Variants in ZNF609 observed in about 807,000 individuals in gnomAD.
The protein encoded by ZNF609 is zinc finger protein 609.
In ZNF609, 11 loss-of-function variants were observed where a neutral mutation model predicts 109.5. The observed-to-expected ratio is 0.10, with a 90% CI of 0.06 to 0.17. ZNF609 has a LOEUF of 0.17. Ranked by LOEUF, ZNF609 falls within the 10% of genes least tolerant of loss-of-function variation. ZNF609 has a pLI of 1.00. For missense variants in ZNF609, 1,559 were observed against 1,772.4 expected (o/e 0.88, Z 2.16); for synonymous variants, 646 against 662.0 (o/e 0.98, Z 0.37).
chr15:64,621,172 T>G (rs1895870028), intron 2 of ZNF609, among the ~76,000 whole-genome samples: 1 of 152,210 alleles, frequency 6.6e-6, no homozygotes, highest in African/African-American at 2.4e-5. Context: ...GTCTGCTGAT[T>G]AGTATCATAC....
intron 3 of ZNF609, among the ~76,000 whole-genome samples, chr15:64,647,963 A>G (rs1040374907): frequency 6.6e-6 from 1 of 152,170 alleles, no homozygotes; most frequent in African/African-American, 2.4e-5. Context: ...TGCCACCAGT[A>G]TGTAGCTTTA....
At chr15:64,462,773 C>T (rs1259880162) in intron 1 of ZNF609, among the ~76,000 whole-genome samples, 2 of 152,092 alleles carry the variant, frequency 1.3e-5, no homozygotes, top group East Asian at 3.8e-4. Context: ...ACATGAGTTG[C>T]TCATTGTGCA....
intron 3 of ZNF609, among the ~76,000 whole-genome samples, chr15:64,650,441 A>T (rs1450180141): frequency 1.3e-5 from 2 of 151,976 alleles, no homozygotes; most frequent in Non-Finnish European, 2.9e-5. Flanking sequence ...AAATTGTAAA[A>T]AAAATAGGTA....
rs769529807 is a variant in ZNF609, at chr15:64,674,949, C to T, written c.2095C>T (p.Pro699Ser). Residue 699 changes from proline (P) to serine (S), a missense_variant, in exon 5 of 10, where the codon CCC becomes TCC. By Grantham distance (74) the Pro-to-Ser change is moderately conservative. Transcript: ENST00000326648. ...AGTGGCACAAGCCATGCCCAACAGTCCCCAACTCAAGCCCATTCAGCCCAA... is the reference window on the plus strand; with the variant it reads ...AGTGGCACAAGCCATGCCCAACAGTTCCCAACTCAAGCCCATTCAGCCCAA... ...ATVAQAMPNS[P>S]QLKPIQPKPT... 2.5e-6 allele frequency: 4 copies of T among 1,614,100 alleles called. No homozygotes were observed. The highest frequency in any genetic ancestry group is 3.4e-6 in the Non-Finnish European group (4 of 1,180,032).
At chr15:64,670,577 G>T (rs138193812) in intron 4 of ZNF609, 144 bp downstream of exon 4, 2 of 727,722 alleles carry the variant, frequency 2.7e-6, no homozygotes, top group African/African-American at 1.8e-5. Context: ...GTATTTATCT[G>T]ACATTCAAGA....
chr15:64,668,288 T>C (rs1896679069), intron 3 of ZNF609, among the ~76,000 whole-genome samples: 1 of 152,040 alleles, frequency 6.6e-6, no homozygotes, highest in African/African-American at 2.4e-5. Context: ...TAAATACAAC[T>C]AAAAACTCTG....
chr15:64,586,551 A>G (rs1595728920), intron 2 of ZNF609, among the ~76,000 whole-genome samples: 1 of 152,132 alleles, frequency 6.6e-6, no homozygotes, highest in Admixed American at 6.6e-5. Flanking sequence ...TGAACTGCAC[A>G]TGAGAGGGAC....
At chr15:64,670,633 C>G (rs919548708) in intron 4 of ZNF609, among the ~76,000 whole-genome samples, 200 bp downstream of exon 4, 1 of 152,042 alleles carries the variant, frequency 6.6e-6, no homozygotes, top group African/African-American at 2.4e-5. Context: ...AATCCCAGCA[C>G]TTTGGGAGGC....
intron 3 of ZNF609, among the ~76,000 whole-genome samples, chr15:64,652,316 GC>G: frequency 6.6e-6 from 1 of 151,090 alleles, no homozygotes; most frequent in South Asian, 2.1e-4. Context: ...GAGCCACCAT[GC>G]CCAGCCTTAT....
At chr15:64,624,688 C>T (rs1421381198) in intron 3 of ZNF609, among the ~76,000 whole-genome samples, 1 of 151,410 alleles carries the variant, frequency 6.6e-6, no homozygotes, top group South Asian at 2.1e-4. Context: ...TTTTGTAAAT[C>T]GTTTGCACTG....
intron 2 of ZNF609, among the ~76,000 whole-genome samples, chr15:64,506,139 A>T (rs953326692): frequency 3.3e-5 from 5 of 151,762 alleles, no homozygotes; most frequent in African/African-American, 7.3e-5. Flanking sequence ...TAGCACCTAC[A>T]TAAGTTTGTA....
At chr15:64,467,718 G>A (rs1300019595) in intron 1 of ZNF609, among the ~76,000 whole-genome samples, 3 of 152,158 alleles carry the variant, frequency 2.0e-5, no homozygotes, top group Non-Finnish European at 4.4e-5. Context: ...GGTGGCGCAC[G>A]TCTGTAGTCC....
intron 2 of ZNF609, among the ~76,000 whole-genome samples, chr15:64,579,713 A>AC (rs918908079): frequency 3.0e-5 from 4 of 132,480 alleles, no homozygotes; most frequent in Admixed American, 7.3e-5. Context: ...AACAAACAAA[A>AC]AAAAAAAACT....
chr15:64,577,240 T>TATGTATATATATACACACAAATACATAC (rs1555420435), intron 2 of ZNF609, among the ~76,000 whole-genome samples: 2 of 98,232 alleles, frequency 2.0e-5, no homozygotes, highest in African/African-American at 7.5e-5. Flanking sequence ...AATACATACA[T>TATGTATATATATACACACAAATACATAC]ATATATGTAT....
At chr15:64,639,283 C>G in intron 3 of ZNF609, among the ~76,000 whole-genome samples, 1 of 152,198 alleles carries the variant, frequency 6.6e-6, no homozygotes, top group African/African-American at 2.4e-5. Flanking sequence ...ATTTAATCAA[C>G]ACCACATCTG....
At chr15:64,656,811 G>T (rs1335889007) in intron 3 of ZNF609, among the ~76,000 whole-genome samples, 1 of 143,236 alleles carries the variant, frequency 7.0e-6, no homozygotes, top group Non-Finnish European at 1.5e-5. Flanking sequence ...TCTTTCTTTA[G>T]ATCCAGCATC....
At chr15:64,577,854 C>T (rs550971177) in intron 2 of ZNF609, among the ~76,000 whole-genome samples, 19 of 151,188 alleles carry the variant, frequency 1.3e-4, no homozygotes, top group South Asian at 4.2e-4. Context: ...AGCGAAACTC[C>T]GTCTCAAAAA....
rs755498320 is a variant in ZNF609, at chr15:64,622,903, C to G, written c.824C>G (p.Ser275Cys). 1 of 1,614,186 alleles carries G rather than the reference C, an allele frequency of 6.2e-7. No individual in the cohort carries two copies. Among genetic ancestry groups the G allele is most frequent in the Non-Finnish European group, 8.5e-7 (1 of 1,180,002 alleles). The change falls in exon 3 of 10, where the codon TCT becomes TGT. Residue 275 changes from serine (S) to cysteine (C), a missense_variant. Physicochemically the swap from Ser to Cys is moderately radical, Grantham distance 112. Transcript: ENST00000326648. The stretch of plus-strand genomic sequence containing the variant: ...CCAGTGGTCAACAATGACATCTCAT[C>G]TCCCTGTGAGCAGATCATGGTTCGT... ...LVPVVNNDIS[S>C]PCEQIMVRTR...
intron 1 of ZNF609, among the ~76,000 whole-genome samples, chr15:64,482,144 A>G (rs1330985748): frequency 6.6e-6 from 1 of 152,214 alleles, no homozygotes; most frequent in Non-Finnish European, 1.5e-5. Context: ...TGGTAAGACT[A>G]CTTAATCATG....
Sources: gnomAD v4.1 joint callset for allele counts (sites outside exome capture counted in the v4.1 genomes callset) on GRCh38, gnomAD v4.1.1 for gene constraint, MANE v1.5 for transcripts, NCBI Gene and HGNC (gene_info 2026-07-23, HGNC 2026-07-21) for gene names.